Variants in ME3 observed in about 807,000 individuals in gnomAD.
The protein encoded by ME3 is malic enzyme 3.
Under a neutral mutation model 68.9 loss-of-function variants are expected in ME3, and 48 were observed. That is an observed-to-expected ratio of 0.70 (90% confidence interval 0.55 to 0.89). The LOEUF (loss-of-function observed/expected upper bound fraction) is 0.89, where lower values mean the gene tolerates loss of function less well. Among genes scored for constraint, ME3 ranks in the 40% least tolerant of loss-of-function variants. The probability of loss-of-function intolerance (pLI) is 0.00; values close to 1 mark genes in which losing one functional copy is unlikely to be tolerated. For synonymous variants in ME3, 320 were observed against 318.8 expected (o/e 1.00, Z -0.04); for missense variants, 675 against 797.4 (o/e 0.85, Z 1.85).
chr11:86,587,522 A>G (rs749710969), intron 2 of ME3, among the ~76,000 whole-genome samples: 1 of 152,108 alleles, frequency 6.6e-6, no homozygotes, highest in Non-Finnish European at 1.5e-5. Flanking sequence ...CTCTGGGTAA[A>G]TTTTACTCAT....
chr11:86,481,798 A>T (rs543256622), intron 7 of ME3, among the ~76,000 whole-genome samples: 54 of 152,280 alleles, frequency 3.5e-4, no homozygotes, highest in South Asian at 1.7e-3. Flanking sequence ...GTGCTCACAG[A>T]GTCACAGATG....
At chr11:86,654,245 A>G (rs1945693003) in intron 2 of ME3, among the ~76,000 whole-genome samples, 1 of 152,262 alleles carries the variant, frequency 6.6e-6, no homozygotes, top group Non-Finnish European at 1.5e-5. Flanking sequence ...AACTCATTTT[A>G]TGAGGCCAGC....
At chr11:86,588,782 T>C (rs1958886026) in intron 2 of ME3, among the ~76,000 whole-genome samples, 1 of 152,188 alleles carries the variant, frequency 6.6e-6, no homozygotes, top group African/African-American at 2.4e-5. Flanking sequence ...AAAGAAAGCC[T>C]GGGTTTCCCT....
intron 2 of ME3, among the ~76,000 whole-genome samples, chr11:86,666,256 A>C (rs79106524): frequency 0.02 from 3,026 of 152,314 alleles, 44 homozygotes; most frequent in South Asian, 0.032. Flanking sequence ...TTGTGCCCTT[A>C]AAAGGGATTT....
chr11:86,609,439 C>G (rs1371948844), intron 2 of ME3, among the ~76,000 whole-genome samples: 1 of 152,162 alleles, frequency 6.6e-6, no homozygotes, highest in East Asian at 1.9e-4. Context: ...TCTTTGCATC[C>G]TGTCACCTAG....
chr11:86,640,617 G>A (rs182693499), intron 2 of ME3, among the ~76,000 whole-genome samples: 1 of 152,190 alleles, frequency 6.6e-6, no homozygotes, highest in Admixed American at 6.5e-5. Flanking sequence ...AAACAATAAT[G>A]CCCAATGGAT....
At chr11:86,628,243 G>T (rs1185648589) in intron 2 of ME3, among the ~76,000 whole-genome samples, 18 of 152,218 alleles carry the variant, frequency 1.2e-4, no homozygotes. Flanking sequence ...GTGGTGTGTG[G>T]CTGCCAGCCT....
At chr11:86,592,796 C>A (rs1365951492) in intron 2 of ME3, among the ~76,000 whole-genome samples, 1 of 152,110 alleles carries the variant, frequency 6.6e-6, no homozygotes, top group African/African-American at 2.4e-5. Context: ...TGGAATATCC[C>A]AGGAACCCCC....
chr11:86,465,085 A>G lies in ME3; in HGVS notation c.919+6T>C, dbSNP rs1308972720. ...TGTAGCTTCATCAGGTGGGGTGGAA[A>G]CCTACCTTGGATGTCATCATTGAAC... is the stretch of plus-strand genomic sequence containing the variant. On this transcript the variant is annotated splice_donor_region_variant and intron_variant, in intron 8 of 14. Coordinates refer to ENST00000543262, the Ensembl canonical transcript of ME3. The G allele has an allele frequency of 6.2e-7, 1 of 1,604,676 alleles. No homozygotes were observed. The highest frequency in any genetic ancestry group is 1.3e-5 in the African/African-American group (1 of 74,820).
chr11:86,462,081 A>C (rs1447766045), intron 8 of ME3, among the ~76,000 whole-genome samples: 1 of 152,258 alleles, frequency 6.6e-6, no homozygotes, highest in East Asian at 1.9e-4. Context: ...ATGTGTCTGC[A>C]TGTGGGGTAC....
chr11:86,658,315 G>C (rs1256555633), intron 2 of ME3, among the ~76,000 whole-genome samples: 1 of 151,848 alleles, frequency 6.6e-6, no homozygotes, highest in Admixed American at 6.6e-5. Flanking sequence ...TAGAGATGGG[G>C]TTTCATCATG....
At chr11:86,502,329 C>T (rs1952780153) in intron 5 of ME3, among the ~76,000 whole-genome samples, 1 of 152,210 alleles carries the variant, frequency 6.6e-6, no homozygotes, top group Non-Finnish European at 1.5e-5. Context: ...CTATCACTCC[C>T]TTCCTTGTAT....
chr11:86,645,088 T>G (rs1251602411), intron 2 of ME3, among the ~76,000 whole-genome samples: 1 of 152,172 alleles, frequency 6.6e-6, no homozygotes, highest in Non-Finnish European at 1.5e-5. Flanking sequence ...TTCCCTCGGG[T>G]GCCTACACCA....
intron 4 of ME3, among the ~76,000 whole-genome samples, chr11:86,539,269 T>C (rs1173601851): frequency 6.6e-6 from 1 of 152,090 alleles, no homozygotes; most frequent in Non-Finnish European, 1.5e-5. Flanking sequence ...ATGCCAGAGA[T>C]TCTGATGGGC....
At position 86,498,345 on chromosome 11, in the gene ME3, A is replaced by G. The variant is rs147396683; in HGVS notation, c.544-221T>C. 6.9e-3 allele frequency among the ~76,000 whole-genome samples: 1,050 copies of G among 152,296 alleles called. 5 individuals carry two copies. The highest frequency in any genetic ancestry group is 0.011 in the Non-Finnish European group (772 of 68,028). On this transcript the variant is annotated intron_variant, in intron 5 of 14. Transcript: ENST00000543262. The stretch of plus-strand genomic sequence containing the variant: ...ACCCTACTGAGAAGAGATGGCAGAA[A>G]GATGCCTGCCTTGCATTCTGAGCTT...
At chr11:86,619,158 A>T (rs531097966) in intron 2 of ME3, among the ~76,000 whole-genome samples, 1 of 152,296 alleles carries the variant, frequency 6.6e-6, no homozygotes, top group East Asian at 1.9e-4. Flanking sequence ...TGTCAGCACT[A>T]TGCTTCCTGT....
chr11:86,621,070 C>T (rs561678367), intron 2 of ME3, among the ~76,000 whole-genome samples: 11 of 152,292 alleles, frequency 7.2e-5, no homozygotes, highest in African/African-American at 2.6e-4. Flanking sequence ...CTCTTCCAGG[C>T]CTCACAATAA....
chr11:86,667,061 A>G (rs1382586865), intron 2 of ME3, among the ~76,000 whole-genome samples: 1 of 152,234 alleles, frequency 6.6e-6, no homozygotes, highest in East Asian at 1.9e-4. Flanking sequence ...ACACTGCAGC[A>G]CTGTCCTTCA....
intron 4 of ME3, among the ~76,000 whole-genome samples, chr11:86,546,672 G>A (rs11602862): frequency 0.22 from 32,734 of 152,204 alleles, 4,398 homozygotes; most frequent in Non-Finnish European, 0.31. Flanking sequence ...AACAACAGAT[G>A]CTGGAGAGGA....
Sources: gnomAD v4.1 joint callset for allele counts (sites outside exome capture counted in the v4.1 genomes callset) on GRCh38, gnomAD v4.1.1 for gene constraint, MANE v1.5 for transcripts, NCBI Gene and HGNC (gene_info 2026-07-23, HGNC 2026-07-21) for gene names.